The following CCR2 variants were observed in gnomAD, a reference collection of about 807,000 sequenced individuals.
CCR2 encodes the protein C-C motif chemokine receptor 2.
For missense variants in CCR2, 408 were observed against 440.0 expected (o/e 0.93, Z 0.65); for synonymous variants, 183 against 177.1 (o/e 1.03, Z -0.27).
Position 46,358,778 on chromosome 3 carries a change from G to A in CCR2, c.*168G>A. Reference sequence around the variant, plus strand: ...GTCACCCAATGCATATCCAACATGTGCTCAGGGAATAATCCAGAAAAACTG... The same window carrying A: ...GTCACCCAATGCATATCCAACATGTACTCAGGGAATAATCCAGAAAAACTG... On this transcript the variant is annotated 3_prime_UTR_variant, in exon 2 of 2. Coordinates refer to ENST00000445132, the MANE Select transcript of CCR2 (RefSeq NM_001123396.4). 7.1e-7 allele frequency: 1 copy of A among 1,416,116 alleles called. No homozygotes were observed. The highest frequency in any genetic ancestry group is 9.2e-7 in the Non-Finnish European group (1 of 1,081,696). The allele number at this position is 1,416,116 out of a possible 1,614,324, so 87.7% of individuals were successfully genotyped here.
chr3:46,355,811 TCAG>T (rs1412812957), intron 1 of CCR2, among the ~76,000 whole-genome samples: 1 of 152,218 alleles, frequency 6.6e-6, no homozygotes, highest in Non-Finnish European at 1.5e-5. Flanking sequence ...TCACAGCAAC[TCAG>T]CATAGTTAAT....
intron 1 of CCR2, among the ~76,000 whole-genome samples, chr3:46,355,393 C>T (rs1701433643): frequency 1.3e-5 from 2 of 152,116 alleles, no homozygotes; most frequent in African/African-American, 4.8e-5. Context: ...GAGAAGATGG[C>T]TGTGACTGAA....
chr3:46,357,365 G>A, intron 1 of CCR2, 112 bp from the exon 2 acceptor site: 1 of 705,960 alleles, frequency 1.4e-6, no homozygotes, highest in Non-Finnish European at 2.3e-6. Flanking sequence ...GGAGATGGCT[G>A]CAAGGGAGAG....
rs1701531962 is a variant in CCR2 at position 46,360,454 on chromosome 3, T to G, written c.*1844T>G. On this transcript the variant is annotated 3_prime_UTR_variant, in exon 2 of 2. Transcript: ENST00000445132. ...AGTCATGCGTTTAATCACATTCGAGTGTTTCAGTGCTTCGCAGATGTCCTT... is the reference window on the plus strand; with the variant it reads ...AGTCATGCGTTTAATCACATTCGAGGGTTTCAGTGCTTCGCAGATGTCCTT... 6.6e-6 allele frequency: 1 copy of G among 152,358 alleles called. No individual in the cohort carries two copies. The highest frequency in any genetic ancestry group is 1.5e-5 in the Non-Finnish European group (1 of 68,150). 9.4% of individuals were successfully genotyped at this position (152,358 alleles called of 1,614,324 possible). A position where few individuals can be genotyped will look rare whatever the true frequency, so the allele number is the denominator to read the frequency against.
At chr3:46,356,800 C>T (rs3918364) in intron 1 of CCR2, among the ~76,000 whole-genome samples, 20,656 of 151,904 alleles carry the variant, frequency 0.14, 1,664 homozygotes, top group East Asian at 0.21. Flanking sequence ...CGCCTATAGT[C>T]CCATCTACTC....
intron 1 of CCR2, 41 bp from the exon 2 acceptor site, chr3:46,357,436 T>G: frequency 7.5e-7 from 1 of 1,328,664 alleles, no homozygotes; most frequent in Non-Finnish European, 1.1e-6. Flanking sequence ...TGGATTGCGG[T>G]GTTTGTGTTG....
Position 46,359,016 on chromosome 3 carries a change from G to A in CCR2, c.*406G>A. 1.9e-6 allele frequency: 2 copies of A among 1,029,146 alleles called. 1 individual carries two copies. Among genetic ancestry groups the A allele is most frequent in the African/African-American group, 3.5e-5 (2 of 57,854 alleles). The allele number at this position is 1,029,146 out of a possible 1,614,324, so 63.8% of individuals were successfully genotyped here. On this transcript the variant is annotated 3_prime_UTR_variant, in exon 2 of 2. Transcript: ENST00000445132. ...TGAGGGATAGTGGGGTCAGGGCTGA[G>A]AGGAGAAGGAGGGAGACATGAGCAT...
In CCR2 at chr3:46,359,206, G is replaced by A. The variant is rs761830240; in HGVS notation, c.*596G>A. 3.0e-6 allele frequency: 3 copies of A among 1,004,284 alleles called. No homozygotes were observed. Among genetic ancestry groups the A allele is most frequent in the South Asian group, 4.6e-5 (1 of 21,602 alleles). The allele number at this position is 1,004,284 out of a possible 1,614,324, so 62.2% of individuals were successfully genotyped here. A position where few individuals can be genotyped will look rare whatever the true frequency, so the allele number is the denominator to read the frequency against. On this transcript the variant is annotated 3_prime_UTR_variant, in exon 2 of 2. Coordinates refer to ENST00000445132, the MANE Select transcript of CCR2 (RefSeq NM_001123396.4). ...TAACCTGGGAGTTTTGGTGGAGTCC[G>A]ATGATTCTCTTTTGCATAAGTGCAT...
chr3:46,355,046 T>C (rs997082429), intron 1 of CCR2: 5 of 152,228 alleles, frequency 3.3e-5, no homozygotes, highest in Admixed American at 3.3e-4. Flanking sequence ...GTTCTTATTA[T>C]AAAGAGTTTT....
Position 46,358,690 on chromosome 3 carries a change from C to A in CCR2, c.*80C>A. ...CAACAAACTTCAAGGGTTTGTTGAACAATAGAAACCTGTAAAGCAGGTGCC... is the reference window on the plus strand; with the variant it reads ...CAACAAACTTCAAGGGTTTGTTGAAAAATAGAAACCTGTAAAGCAGGTGCC... On this transcript the variant is annotated 3_prime_UTR_variant, in exon 2 of 2. Coordinates refer to ENST00000445132, the MANE Select transcript of CCR2 (RefSeq NM_001123396.4). 1 of 1,484,338 alleles carries A rather than the reference C, an allele frequency of 6.7e-7. No individual in the cohort carries two copies. The highest frequency in any genetic ancestry group is 9.0e-7 in the Non-Finnish European group (1 of 1,116,132). The allele number at this position is 1,484,338 out of a possible 1,614,324, so 91.9% of individuals were successfully genotyped here.
At chr3:46,357,166 T>C (rs1210487936) in intron 1 of CCR2, among the ~76,000 whole-genome samples, 1 of 152,192 alleles carries the variant, frequency 6.6e-6, no homozygotes, top group East Asian at 1.9e-4. Flanking sequence ...GGTCCAGCAA[T>C]GAGTCACAGA....
chr3:46,359,780 G>A lies in CCR2; in HGVS notation c.*1170G>A, dbSNP rs1460914436. 6.2e-7 allele frequency: 1 copy of A among 1,614,114 alleles called. No homozygotes were observed. The highest frequency in any genetic ancestry group is 2.2e-5 in the East Asian group (1 of 44,870). On this transcript the variant is annotated 3_prime_UTR_variant, in exon 2 of 2. Coordinates refer to ENST00000445132, the MANE Select transcript of CCR2 (RefSeq NM_001123396.4). ...AAAGAATGTGAAAGTGACTACACAA[G>A]GACTCCTCGATGGTCGTGGAAAAGG...
rs902866315 is a variant in CCR2 at position 46,358,769 on chromosome 3, C to T, written c.*159C>T. ...ACAGACTATGTCACCCAATGCATATCCAACATGTGCTCAGGGAATAATCCA... is the reference window on the plus strand; with the variant it reads ...ACAGACTATGTCACCCAATGCATATTCAACATGTGCTCAGGGAATAATCCA... On this transcript the variant is annotated 3_prime_UTR_variant, in exon 2 of 2. Transcript: ENST00000445132. 1.3e-5 allele frequency: 19 copies of T among 1,425,490 alleles called. No homozygotes were observed. The highest frequency in any genetic ancestry group is 1.6e-5 in the Non-Finnish European group (17 of 1,086,582). The allele number at this position is 1,425,490 out of a possible 1,614,324, so 88.3% of individuals were successfully genotyped here.
rs765825679 is a variant in CCR2 at position 46,358,411 on chromosome 3, T to G, written c.884T>G (p.Met295Arg). Residue 295 changes from methionine (M) to arginine (R), a missense_variant, in exon 2 of 2, where the codon ATG (methionine) becomes AGG (arginine). Coordinates refer to ENST00000445132, the MANE Select transcript of CCR2 (RefSeq NM_001123396.4). Reference sequence around the variant, plus strand: ...ACGCAGGTGACAGAGACTCTTGGGATGACTCACTGCTGCATCAATCCCATC... The same window carrying G: ...ACGCAGGTGACAGAGACTCTTGGGAGGACTCACTGCTGCATCAATCCCATC... ...QATQVTETLG[M>R]THCCINPIIY... 9.9e-6 allele frequency: 16 copies of G among 1,613,966 alleles called. No homozygotes were observed. Among genetic ancestry groups the G allele is most frequent in the African/African-American group, 1.3e-5 (1 of 74,890 alleles).
intron 1 of CCR2, among the ~76,000 whole-genome samples, chr3:46,356,100 G>A (rs1701446477): frequency 6.6e-6 from 1 of 152,198 alleles, no homozygotes; most frequent in Non-Finnish European, 1.5e-5. Context: ...ACTGAGTATG[G>A]TTCATAGTAG....
At chr3:46,356,369 G>A (rs1182412196) in intron 1 of CCR2, among the ~76,000 whole-genome samples, 1 of 152,172 alleles carries the variant, frequency 6.6e-6, no homozygotes, top group African/African-American at 2.4e-5. Flanking sequence ...GTGGGCACGG[G>A]GAGGAGATGC....
intron 1 of CCR2, 123 bp from the exon 2 acceptor site, chr3:46,357,354 G>A (rs1277242015): frequency 1.5e-6 from 1 of 660,296 alleles, no homozygotes; most frequent in Non-Finnish European, 2.6e-6. Context: ...CATGCTTTCA[G>A]GGAGATGGCT....
rs779943645 is a variant in CCR2, at chr3:46,357,523, A to G, written c.-5A>G. The G allele has an allele frequency of 1.9e-6, 3 of 1,612,260 alleles. 1 individual carries two copies. In the Admixed American group the frequency reaches 5.0e-5, roughly 27 times the overall value. On this transcript the variant is annotated 5_prime_UTR_variant, in exon 2 of 2. Transcript: ENST00000445132. ...AAGGACGCATTTCCCCAGTACATCC[A>G]CAACATGCTGTCCACATCTCGTTCT...
rs373111136 is a variant in CCR2 at position 46,358,376 on chromosome 3, G to T, written c.849G>T (p.Leu283=). 9.3e-5 allele frequency: 150 copies of T among 1,614,084 alleles called. No homozygotes were observed. In the African/African-American group the frequency reaches 1.5e-3, roughly 16 times the overall value. ...GTAACTGTGAAAGCACCAGTCAACT[G>T]GACCAAGCCACGCAGGTGACAGAGA... ...GLSNCESTSQ[L]DQATQVTETL... is the part of the protein sequence containing the mutation. Residue 283 remains leucine (L), a synonymous_variant, in exon 2 of 2, where the codon CTG becomes CTT. Transcript: ENST00000445132.
Sources: allele counts gnomAD v4.1 joint callset (sites outside exome capture counted in the v4.1 genomes callset), GRCh38; gene constraint gnomAD v4.1.1; transcripts MANE v1.5; gene names NCBI Gene and HGNC (gene_info 2026-07-23, HGNC 2026-07-21).